The following ZSWIM6 variants were observed in gnomAD, a reference collection of about 807,000 sequenced individuals.
ZSWIM6 encodes the protein zinc finger SWIM domain-containing protein 6.
ZSWIM6 carries 9 observed loss-of-function variants against 113.2 expected under a neutral mutation model. The observed-to-expected ratio is 0.08, with a 90% CI of 0.05 to 0.14. The LOEUF (loss-of-function observed/expected upper bound fraction) is 0.14. ZSWIM6 is among the 10% of genes least tolerant of loss of function. The pLI, the probability that ZSWIM6 is intolerant of heterozygous loss-of-function variation, is 1.00. For synonymous variants in ZSWIM6, 611 were observed against 606.5 expected (o/e 1.01, Z -0.11); for missense variants, 1,162 against 1,552.2 (o/e 0.75, Z 4.22).
intron 1 of ZSWIM6, among the ~76,000 whole-genome samples, chr5:61,388,905 C>T (rs1241153546): frequency 1.3e-5 from 2 of 152,130 alleles, no homozygotes; most frequent in Non-Finnish European, 2.9e-5. Flanking sequence ...GAACTTAGTT[C>T]ATGAGTCATC....
intron 1 of ZSWIM6, among the ~76,000 whole-genome samples, chr5:61,413,313 A>T (rs1232675647): frequency 6.6e-6 from 1 of 151,184 alleles, no homozygotes; most frequent in East Asian, 1.9e-4. Context: ...GAGAATGATG[A>T]TTTCCAATTT....
At chr5:61,450,456 T>C (rs2112156978) in intron 1 of ZSWIM6, among the ~76,000 whole-genome samples, 1 of 152,330 alleles carries the variant, frequency 6.6e-6, no homozygotes, top group South Asian at 2.1e-4. Context: ...ATTTATGTGA[T>C]TTATTTAAAA....
At chr5:61,521,960 T>A (rs1434356587) in intron 5 of ZSWIM6, among the ~76,000 whole-genome samples, 1 of 152,184 alleles carries the variant, frequency 6.6e-6, no homozygotes, top group Non-Finnish European at 1.5e-5. Flanking sequence ...TGGGAAATTT[T>A]TTTATTGTGA....
rs1747149051 is a variant in ZSWIM6, at chr5:61,454,214, A to AATTTAATTTT, written c.677-18463_677-18462insAATTTTATTT. ...TCTTTCAGATTGGGAGAGTTCCCTA[A>AATTTAATTTT]ATTTTATTTTATTTTATTTTATTTT... On this transcript the variant is annotated intron_variant, in intron 1 of 13. Coordinates refer to ENST00000252744, the MANE Select transcript of ZSWIM6 (RefSeq NM_020928.2). 3.1e-5 allele frequency among the ~76,000 whole-genome samples: 4 copies of AATTTAATTTT among 128,500 alleles called. No individual in the cohort carries two copies. In the South Asian group the frequency reaches 8.1e-4, roughly 26 times the overall value. The allele number at this position is 128,500 out of a possible 152,430, so 84.3% of individuals were successfully genotyped here.
chr5:61,490,618 G>T (rs1278451519), intron 2 of ZSWIM6, among the ~76,000 whole-genome samples, 168 bp from the exon 3 acceptor site: 3 of 152,054 alleles, frequency 2.0e-5, no homozygotes, highest in Non-Finnish European at 2.9e-5. Context: ...CACAAATCAG[G>T]AAAGTTCTGG....
At chr5:61,532,624 AAG>A (rs1227972429) in intron 9 of ZSWIM6, among the ~76,000 whole-genome samples, 1 of 152,218 alleles carries the variant, frequency 6.6e-6, no homozygotes, top group African/African-American at 2.4e-5. Context: ...ATCTACTTAA[AAG>A]AAAACATTTT....
chr5:61,463,896 T>C (rs902710867), intron 1 of ZSWIM6, among the ~76,000 whole-genome samples: 4 of 152,168 alleles, frequency 2.6e-5, no homozygotes, highest in Non-Finnish European at 5.9e-5. Flanking sequence ...ATCCTTGGGC[T>C]ACAGAGATGA....
chr5:61,506,200 G>A (rs1488144726), intron 4 of ZSWIM6, among the ~76,000 whole-genome samples: 2 of 152,084 alleles, frequency 1.3e-5, no homozygotes, highest in Admixed American at 6.5e-5. Flanking sequence ...CTGTATTCCC[G>A]AGGTTTTATT....
chr5:61,530,269 TC>T (rs1418951333), intron 8 of ZSWIM6, 71 bp downstream of exon 8: 1 of 1,423,382 alleles, frequency 7.0e-7, no homozygotes, highest in Non-Finnish European at 9.4e-7. Context: ...TCATTGTTTT[TC>T]TTTACATTAT....
chr5:61,533,753 A>G (rs1407888203), intron 9 of ZSWIM6, among the ~76,000 whole-genome samples: 1 of 152,220 alleles, frequency 6.6e-6, no homozygotes, highest in African/African-American at 2.4e-5. Flanking sequence ...TTAGTCCTTA[A>G]GTAAAATAGT....
intron 3 of ZSWIM6, 108 bp from the exon 4 acceptor site, chr5:61,494,151 GA>G: frequency 8.3e-7 from 1 of 1,209,010 alleles, no homozygotes; most frequent in African/African-American, 1.5e-5. Flanking sequence ...CACACGGAGA[GA>G]GAGAGAGAGA....
At chr5:61,336,874 C>T (rs1291546042) in intron 1 of ZSWIM6, among the ~76,000 whole-genome samples, 1 of 152,108 alleles carries the variant, frequency 6.6e-6, no homozygotes, top group Non-Finnish European at 1.5e-5. Flanking sequence ...AGAAAACTTA[C>T]AAAAATTGTC....
At chr5:61,448,252 GA>G (rs1327913258) in intron 1 of ZSWIM6, among the ~76,000 whole-genome samples, 13 of 152,144 alleles carry the variant, frequency 8.5e-5, no homozygotes, top group Admixed American at 3.9e-4. Flanking sequence ...TCCAAAGGGG[GA>G]AAATAATACG....
chr5:61,541,823 C>T (rs1035313595), intron 12 of ZSWIM6, 61 bp from the exon 13 acceptor site: 1 of 1,377,114 alleles, frequency 7.3e-7, no homozygotes, highest in Non-Finnish European at 1.0e-6. Context: ...TTTATCCCCC[C>T]CCTTTTTTTT....
At chr5:61,528,263 G>GA (rs139020184) in intron 7 of ZSWIM6, among the ~76,000 whole-genome samples, 17,983 of 151,196 alleles carry the variant, frequency 0.12, 1,317 homozygotes, top group Admixed American at 0.2. Flanking sequence ...TATTGATTCT[G>GA]AAAAAAAACA....
At chr5:61,406,773 C>T (rs1746051269) in intron 1 of ZSWIM6, among the ~76,000 whole-genome samples, 1 of 151,918 alleles carries the variant, frequency 6.6e-6, no homozygotes, top group Admixed American at 6.6e-5. Context: ...AGTGCAGTGA[C>T]ATGATCTCGG....
At chr5:61,346,800 A>G (rs1337543153) in intron 1 of ZSWIM6, among the ~76,000 whole-genome samples, 1 of 152,236 alleles carries the variant, frequency 6.6e-6, no homozygotes, top group East Asian at 1.9e-4. Flanking sequence ...CTGTTTCATA[A>G]ATAGCAGGAA....
intron 1 of ZSWIM6, among the ~76,000 whole-genome samples, chr5:61,435,402 A>G (rs758032163): frequency 5.9e-5 from 9 of 152,214 alleles, no homozygotes; most frequent in East Asian, 1.9e-4. Flanking sequence ...AAGTTGGTCT[A>G]TATGGGCTGG....
intron 2 of ZSWIM6, among the ~76,000 whole-genome samples, chr5:61,485,422 C>T (rs1031645780): frequency 6.6e-6 from 1 of 152,150 alleles, no homozygotes; most frequent in African/African-American, 2.4e-5. Flanking sequence ...CCCTCTTCTC[C>T]ACTGTCTCAA....
Sources: gnomAD v4.1 joint callset for allele counts (sites outside exome capture counted in the v4.1 genomes callset) on GRCh38, gnomAD v4.1.1 for gene constraint, MANE v1.5 for transcripts, NCBI Gene and HGNC (gene_info 2026-07-23, HGNC 2026-07-21) for gene names.